IQSEC3: variants seen among roughly 807,000 people sequenced by gnomAD.
IQSEC3 encodes IQ motif and SEC7 domain-containing protein 3.
A neutral mutation model predicts 105.4 loss-of-function variants in IQSEC3; 50 were observed. That is an observed-to-expected ratio of 0.47 (90% confidence interval 0.38 to 0.60). IQSEC3 has a LOEUF of 0.60. Ranked by LOEUF, IQSEC3 falls within the 20% of genes least tolerant of loss-of-function variation. IQSEC3 has a pLI of 0.00. For synonymous variants in IQSEC3, 708 were observed against 746.0 expected (o/e 0.95, Z 0.83); for missense variants, 1,415 against 1,630.0 (o/e 0.87, Z 2.27).
intron 5 of IQSEC3, chr12:147,739 G>A (rs1866336595): frequency 6.6e-6 from 1 of 152,062 alleles, no homozygotes; most frequent in South Asian, 2.1e-4. Context: ...ACAAAATCAG[G>A]TACTCTCCCA....
chr12:149,642 C>T (rs1313605037), intron 5 of IQSEC3, among the ~76,000 whole-genome samples: 3 of 152,022 alleles, frequency 2.0e-5, no homozygotes, highest in Admixed American at 6.5e-5. Flanking sequence ...CCCGTAGCCT[C>T]GTGGGGAAGA....
Position 125,858 on chromosome 12 carries a change from C to CA in IQSEC3, c.849_850insA (p.His284ThrfsTer13). On this transcript the variant is annotated frameshift_variant, in exon 3 of 14. Transcript: ENST00000538872. LOFTEE classifies it high-confidence loss of function. ...CTGCCCTGGCGACGGCGCTGTGCCC[C>CA]CACGCCCCTGCCGCCTCCGATTACG... 1.3e-6 allele frequency: 2 copies of CA among 1,533,670 alleles called. No individual in the cohort carries two copies. Among genetic ancestry groups the CA allele is most frequent in the Non-Finnish European group, 1.7e-6 (2 of 1,146,444 alleles).
chr12:154,820 T>C (rs7955813), intron 5 of IQSEC3, among the ~76,000 whole-genome samples: 40,235 of 151,954 alleles, frequency 0.26, 7,702 homozygotes, highest in African/African-American at 0.54. Flanking sequence ...CCGGTCTTGC[T>C]CCCTTTTTGC....
At chr12:169,358 G>C (rs1555099611) in intron 12 of IQSEC3, among the ~76,000 whole-genome samples, 1 of 152,236 alleles carries the variant, frequency 6.6e-6, no homozygotes, top group African/African-American at 2.4e-5. Context: ...AGATGTCACT[G>C]TCTGCCCTGG....
intron 2 of IQSEC3, among the ~76,000 whole-genome samples, chr12:116,080 G>A (rs1865038665): frequency 6.6e-6 from 1 of 152,040 alleles, no homozygotes; most frequent in Non-Finnish European, 1.5e-5. Context: ...TAAAACATGG[G>A]ACGTCCCAAA....
At chr12:102,041 G>C (rs1864438281) in intron 2 of IQSEC3, among the ~76,000 whole-genome samples, 1 of 152,092 alleles carries the variant, frequency 6.6e-6, no homozygotes, top group African/African-American at 2.4e-5. Flanking sequence ...CCTCTGAGGA[G>C]ATCTGGTATG....
Position 66,940 on chromosome 12 carries a change from G to A in IQSEC3, c.58G>A (p.Ala20Thr). 4 of 1,524,430 alleles carry A rather than the reference G, an allele frequency of 2.6e-6. No individual in the cohort carries two copies. Among genetic ancestry groups the A allele is most frequent in the Non-Finnish European group, 3.5e-6 (4 of 1,142,062 alleles). The allele number at this position is 1,524,430 out of a possible 1,614,324, so 94.4% of individuals were successfully genotyped here. Reference sequence around the variant, plus strand: ...CGTGCTCTACCTCAAGGAGCTCACGGCCATCGTGCAGAACCAGCAGAGCCT... The same window carrying A: ...CGTGCTCTACCTCAAGGAGCTCACGACCATCGTGCAGAACCAGCAGAGCCT... ...RAVLYLKELT[A>T]IVQNQQSLIH... The change falls in exon 1 of 14, where the codon GCC (alanine) becomes ACC (threonine). Residue 20 changes from alanine (A) to threonine (T), a missense_variant. Transcript: ENST00000538872.
rs117397618 is a variant in IQSEC3 at position 90,147 on chromosome 12, T to C, written c.555-8999T>C. Among the ~76,000 whole-genome samples, 661 of 152,380 alleles carry C rather than the reference T, an allele frequency of 4.3e-3. 3 individuals carry two copies. Among genetic ancestry groups the C allele is most frequent in the Non-Finnish European group, 6.9e-3 (467 of 68,036 alleles). ...TAATAGTATCTGCTTGTGGTTTTAA[T>C]TGGCAATTCCCTAATGACTAGTGAT... On this transcript the variant is annotated intron_variant, in intron 1 of 13. Coordinates refer to ENST00000538872, the MANE Select transcript of IQSEC3 (RefSeq NM_001170738.2).
chr12:157,444 C>G, intron 6 of IQSEC3, 84 bp from the exon 7 acceptor site: 1 of 1,442,200 alleles, frequency 6.9e-7, no homozygotes, highest in East Asian at 2.4e-5. Flanking sequence ...GCTGGGATAC[C>G]CCCTGGACAC....
intron 1 of IQSEC3, among the ~76,000 whole-genome samples, chr12:68,907 G>A (rs1489621984): frequency 2.0e-5 from 3 of 152,146 alleles, no homozygotes; most frequent in Non-Finnish European, 2.9e-5. Flanking sequence ...TTTGATTCAA[G>A]TCCCAAGAAG....
At chr12:165,672 C>A in intron 10 of IQSEC3, 57 bp from the exon 11 acceptor site, 2 of 1,603,024 alleles carry the variant, frequency 1.2e-6, no homozygotes, top group Non-Finnish European at 1.7e-6. Context: ...CTGGCTGGCT[C>A]TGGCCCTCGG....
rs1430021373 is a variant in IQSEC3, at chr12:178,419, T to A, written c.*3386T>A. On this transcript the variant is annotated 3_prime_UTR_variant, in exon 14 of 14. Coordinates refer to ENST00000538872, the MANE Select transcript of IQSEC3 (RefSeq NM_001170738.2). The stretch of plus-strand genomic sequence containing the variant: ...AGAGGTATTTTATCTGTTCAATTCA[T>A]AGAGTTTTAGAGATTATATTGAAAG... 6.6e-6 allele frequency: 1 copy of A among 152,226 alleles called. No individual in the cohort carries two copies. The highest frequency in any genetic ancestry group is 2.4e-5 in the African/African-American group (1 of 41,464). The allele number at this position is 152,226 out of a possible 1,614,324, so 9.4% of individuals were successfully genotyped here.
chr12:151,742 T>A (rs1450131605), intron 5 of IQSEC3, among the ~76,000 whole-genome samples: 2 of 152,210 alleles, frequency 1.3e-5, no homozygotes, highest in East Asian at 3.9e-4. Flanking sequence ...ATTCTCCCTG[T>A]TACTGTCTGC....
chr12:77,231 C>T (rs1461661359), intron 1 of IQSEC3: 1 of 187,466 alleles, frequency 5.3e-6, no homozygotes, highest in East Asian at 1.9e-4. Context: ...AAAGGGATTT[C>T]CAGAGACAGG....
rs555121627 is a variant in IQSEC3 at position 152,288 on chromosome 12, C to T, written c.2154-4737C>T. ...ACAGAGCCCCCGTGCTGACTGCCCACGCATGCACCAAGAGGCTCTCCTGTG... is the reference window on the plus strand; with the variant it reads ...ACAGAGCCCCCGTGCTGACTGCCCATGCATGCACCAAGAGGCTCTCCTGTG... On this transcript the variant is annotated intron_variant, in intron 5 of 13. Coordinates refer to ENST00000538872, the MANE Select transcript of IQSEC3 (RefSeq NM_001170738.2). This position sits in a 1 kb window ranked among gnomAD's most constrained non-coding sequence, Gnocchi z 4.8. 1.1e-4 allele frequency among the ~76,000 whole-genome samples: 16 copies of T among 152,340 alleles called. No individual in the cohort carries two copies. In the South Asian group the frequency reaches 1.4e-3, roughly 14 times the overall value.
chr12:78,642 G>A (rs1341741951), intron 1 of IQSEC3, among the ~76,000 whole-genome samples: 4 of 151,880 alleles, frequency 2.6e-5, no homozygotes, highest in Non-Finnish European at 5.9e-5. Flanking sequence ...TAATAGTTCT[G>A]AGCAGGGCCC....
In IQSEC3 at chr12:163,611, C is replaced by T. The variant is rs1867027440; in HGVS notation, c.2701C>T (p.Leu901=). The T allele has an allele frequency of 6.6e-7, 1 of 1,506,346 alleles. No individual in the cohort carries two copies. Among genetic ancestry groups the T allele is most frequent in the Admixed American group, 1.7e-5 (1 of 59,798 alleles). 93.3% of individuals were successfully genotyped at this position (1,506,346 alleles called of 1,614,324 possible). A position where few individuals can be genotyped will look rare whatever the true frequency, so the allele number is the denominator to read the frequency against. ...GAGGGAGGTGTTCCTCTTCAATGACCTGCTGGTGGTGAGTGGCCTCCGCTC... is the reference window on the plus strand; with the variant it reads ...GAGGGAGGTGTTCCTCTTCAATGACTTGCTGGTGGTGAGTGGCCTCCGCTC... ...HQREVFLFND[L]LVILKLCPKK... The change falls in exon 9 of 14, where the codon CTG becomes TTG. Residue 901 remains leucine, a synonymous_variant. Coordinates refer to ENST00000538872, the MANE Select transcript of IQSEC3 (RefSeq NM_001170738.2).
chr12:94,272 A>G (rs1284540746), intron 1 of IQSEC3, among the ~76,000 whole-genome samples: 1 of 152,210 alleles, frequency 6.6e-6, no homozygotes, highest in African/African-American at 2.4e-5. Flanking sequence ...AGTTGTGGGC[A>G]TGATCCTTGA....
intron 4 of IQSEC3, 32 bp from the exon 5 acceptor site, chr12:141,090 ACT>A (rs1555089017): frequency 6.4e-7 from 1 of 1,562,442 alleles, no homozygotes; most frequent in East Asian, 2.3e-5. Context: ...GCTTCAGCTC[ACT>A]CTCTACTGCT....
Sources: allele counts gnomAD v4.1 joint callset (sites outside exome capture counted in the v4.1 genomes callset), GRCh38; gene constraint gnomAD v4.1.1; non-coding constraint Gnocchi (gnomAD v3.1); transcripts MANE v1.5; gene names NCBI Gene and HGNC (gene_info 2026-07-23, HGNC 2026-07-21).